TIMM21: variants seen among roughly 807,000 people sequenced by gnomAD.
The protein encoded by TIMM21 is translocase of inner mitochondrial membrane 21.
A neutral mutation model predicts 27.7 loss-of-function variants in TIMM21; 30 were observed. The observed-to-expected ratio is 1.08, with a 90% CI of 0.81 to 1.47. The LOEUF (loss-of-function observed/expected upper bound fraction) is 1.47, where lower values mean the gene tolerates loss of function less well. TIMM21 is among the 40% of genes most tolerant of loss of function. The pLI is 0.00. For synonymous variants in TIMM21, 121 were observed against 114.4 expected (o/e 1.06, Z -0.37); for missense variants, 292 against 302.9 (o/e 0.96, Z 0.27).
At chr18:74,154,411 G>A (rs980489551) in intron 1 of TIMM21, among the ~76,000 whole-genome samples, 22 of 152,250 alleles carry the variant, frequency 1.4e-4, no homozygotes, top group African/African-American at 4.8e-4. Flanking sequence ...ACAGGCGCCC[G>A]CCACTGCGCC....
In TIMM21 at chr18:74,148,703, G is replaced by C. The variant is rs981525401; in HGVS notation, c.-106G>C. 39 of 1,185,016 alleles carry C rather than the reference G, an allele frequency of 3.3e-5. No homozygotes were observed. The highest frequency in any genetic ancestry group is 4.6e-5 in the Non-Finnish European group (39 of 839,908). 73.4% of individuals were successfully genotyped at this position (1,185,016 alleles called of 1,614,324 possible). ...GTTTTTGCCTAACACCCCATGTAAT[G>C]TAAACGTATAGGCTTGAGTACGTGT... On this transcript the variant is annotated 5_prime_UTR_variant, in exon 1 of 6. It removes an upstream start codon present in the reference 5' UTR. Transcript: ENST00000169551.
Position 74,158,269 on chromosome 18 carries a change from T to A in TIMM21, c.635T>A (p.Val212Glu). ...PGKQGTVYAQ[V>E]KENPGSGEYD... Reference sequence around the variant, plus strand: ...AAGCAAGGAACGGTGTATGCGCAAGTGAAAGAGGTGTGGGAATCATGGGAT... The same window carrying A: ...AAGCAAGGAACGGTGTATGCGCAAGAGAAAGAGGTGTGGGAATCATGGGAT... The change falls in exon 5 of 6, where the codon GTG becomes GAG. Residue 212 changes from valine to glutamate, a missense_variant. Coordinates refer to ENST00000169551, the MANE Select transcript of TIMM21 (RefSeq NM_014177.3). The A allele has an allele frequency of 6.2e-7, 1 of 1,614,038 alleles. No individual in the cohort carries two copies. The highest frequency in any genetic ancestry group is 1.3e-5 in the African/African-American group (1 of 74,992).
chr18:74,159,882 C>T lies in TIMM21; in HGVS notation c.*1402C>T, dbSNP rs1227652032. 1.3e-5 allele frequency: 2 copies of T among 152,244 alleles called. No individual in the cohort carries two copies. The highest frequency in any genetic ancestry group is 2.9e-5 in the Non-Finnish European group (2 of 68,050). The allele number at this position is 152,244 out of a possible 1,614,324, so 9.4% of individuals were successfully genotyped here. A position where few individuals can be genotyped will look rare whatever the true frequency, so the allele number is the denominator to read the frequency against. On this transcript the variant is annotated 3_prime_UTR_variant, in exon 6 of 6. Transcript: ENST00000169551. ...TTCAAACAACCTGCTCAAACTGTAG[C>T]TTGCTGAAGAAGCCCGGCATCTGAG... is the stretch of plus-strand genomic sequence containing the variant.
chr18:74,148,692 C>T lies in TIMM21; in HGVS notation c.-117C>T, dbSNP rs1011842688. ...CGGAAACTGACGTTTTTGCCTAACACCCCATGTAATGTAAACGTATAGGCT... is the reference window on the plus strand; with the variant it reads ...CGGAAACTGACGTTTTTGCCTAACATCCCATGTAATGTAAACGTATAGGCT... On this transcript the variant is annotated 5_prime_UTR_variant, in exon 1 of 6. Transcript: ENST00000169551. 28 of 1,050,522 alleles carry T rather than the reference C, an allele frequency of 2.7e-5. No homozygotes were observed. The East Asian group carries it at 5.8e-4, about 22-fold the overall frequency. The allele number at this position is 1,050,522 out of a possible 1,614,324, so 65.1% of individuals were successfully genotyped here.
chr18:74,157,896 T>C, intron 3 of TIMM21, 118 bp from the exon 4 acceptor site: 1 of 1,139,810 alleles, frequency 8.8e-7, no homozygotes, highest in East Asian at 2.6e-5. Flanking sequence ...GTGGTCATTT[T>C]TGAAAAGGTC....
intron 3 of TIMM21, chr18:74,156,375 C>G (rs952697324): frequency 1.8e-5 from 7 of 381,770 alleles, no homozygotes; most frequent in Admixed American, 9.4e-5. Context: ...TCTGAATGTT[C>G]TACCAGTTTT....
rs146166846 is a variant in TIMM21, at chr18:74,152,240, C to T, written c.302-2905C>T. ...CCTACCCAGCTTTAGGTTGCCTTTC[C>T]TCCCAAATCAGGACCCTGACCTTGG... is the stretch of plus-strand genomic sequence containing the variant. On this transcript the variant is annotated intron_variant, in intron 1 of 5. Transcript: ENST00000169551. The surrounding 1 kb of genome is among the most constrained non-coding windows in gnomAD (Gnocchi z 4.1). 2.0e-3 allele frequency among the ~76,000 whole-genome samples: 303 copies of T among 152,248 alleles called. 1 individual carries two copies. The highest frequency in any genetic ancestry group is 7.0e-3 in the African/African-American group (291 of 41,538).
At position 74,148,673 on chromosome 18, in the gene TIMM21, C is replaced by T; in HGVS notation, c.-136C>T. The T allele has an allele frequency of 1.2e-6, 1 of 821,404 alleles. No individual in the cohort carries two copies. Among genetic ancestry groups the T allele is most frequent in the Non-Finnish European group, 1.9e-6 (1 of 522,612 alleles). The allele number at this position is 821,404 out of a possible 1,614,324, so 50.9% of individuals were successfully genotyped here. On this transcript the variant is annotated 5_prime_UTR_variant, in exon 1 of 6. Coordinates refer to ENST00000169551, the MANE Select transcript of TIMM21 (RefSeq NM_014177.3). ...TTCGTTTTCATTTACGCTGCGGAAA[C>T]TGACGTTTTTGCCTAACACCCCATG...
intron 3 of TIMM21, chr18:74,156,952 ATTTG>A (rs1230971357): frequency 2.0e-5 from 3 of 152,182 alleles, no homozygotes; most frequent in Admixed American, 1.3e-4. Flanking sequence ...AAATTGTTCT[ATTTG>A]TTTGTGCTAT....
At chr18:74,153,686 G>A (rs1979870804) in intron 1 of TIMM21, among the ~76,000 whole-genome samples, 1 of 152,108 alleles carries the variant, frequency 6.6e-6, no homozygotes, top group Non-Finnish European at 1.5e-5. Flanking sequence ...TTCTAAGTTG[G>A]GAACCTTGCT....
In TIMM21 at chr18:74,158,485, G is replaced by C. The variant is rs201898493; in HGVS notation, c.*5G>C. 1.3e-6 allele frequency: 2 copies of C among 1,554,424 alleles called. No individual in the cohort carries two copies. The highest frequency in any genetic ancestry group is 1.8e-6 in the Non-Finnish European group (2 of 1,130,244). ...AATCGATCCCAAGATGATTAAAATA[G>C]GGTTTCTGATGGATGTTGAATGGCG... On this transcript the variant is annotated 3_prime_UTR_variant, in exon 6 of 6. Coordinates refer to ENST00000169551, the MANE Select transcript of TIMM21 (RefSeq NM_014177.3).
rs373498280 is a variant in TIMM21, at chr18:74,152,833, C to T, written c.302-2312C>T. Among the ~76,000 whole-genome samples, 5 of 152,270 alleles carry T rather than the reference C, an allele frequency of 3.3e-5. No individual in the cohort carries two copies. Among genetic ancestry groups the T allele is most frequent in the South Asian group, 2.1e-4 (1 of 4,824 alleles). Reference sequence around the variant, plus strand: ...AGCAGGACTGGGCAGAGGGAGAGGCCGAAGTGCATTTGCAGTTGGGGCCTC... The same window carrying T: ...AGCAGGACTGGGCAGAGGGAGAGGCTGAAGTGCATTTGCAGTTGGGGCCTC... On this transcript the variant is annotated intron_variant, in intron 1 of 5. Coordinates refer to ENST00000169551, the MANE Select transcript of TIMM21 (RefSeq NM_014177.3). This position sits in a 1 kb window ranked among gnomAD's most constrained non-coding sequence, Gnocchi z 4.1.
chr18:74,158,575 A>T lies in TIMM21; in HGVS notation c.*95A>T. The T allele has an allele frequency of 1.3e-6, 1 of 761,332 alleles. No individual in the cohort carries two copies. The highest frequency in any genetic ancestry group is 2.7e-5 in the Admixed American group (1 of 36,786). The allele number at this position is 761,332 out of a possible 1,614,324, so 47.2% of individuals were successfully genotyped here. ...TGTGTTCAAAAGAAAGACAAGAAGGAGTGTATGGCTTATAAAGTGAATCTA... is the reference window on the plus strand; with the variant it reads ...TGTGTTCAAAAGAAAGACAAGAAGGTGTGTATGGCTTATAAAGTGAATCTA... On this transcript the variant is annotated 3_prime_UTR_variant, in exon 6 of 6. Coordinates refer to ENST00000169551, the MANE Select transcript of TIMM21 (RefSeq NM_014177.3).
chr18:74,151,193 G>C (rs1979791867), intron 1 of TIMM21, among the ~76,000 whole-genome samples: 2 of 152,164 alleles, frequency 1.3e-5, no homozygotes, highest in South Asian at 2.1e-4. Flanking sequence ...TGAAGGACGG[G>C]GGGAGTCAGT....
At chr18:74,154,239 A>G (rs1345293606) in intron 1 of TIMM21, among the ~76,000 whole-genome samples, 40 of 152,140 alleles carry the variant, frequency 2.6e-4, no homozygotes, top group Admixed American at 2.6e-3. Context: ...ATAGCTATAC[A>G]TATGTATATA....
intron 1 of TIMM21, among the ~76,000 whole-genome samples, 193 bp downstream of exon 1, chr18:74,149,302 GTTGATC>G (rs1979719510): frequency 6.6e-6 from 1 of 152,204 alleles, no homozygotes; most frequent in Non-Finnish European, 1.5e-5. Context: ...AGATGTGAAA[GTTGATC>G]TTGAATTTGA....
At chr18:74,154,708 C>T (rs1314370748) in intron 1 of TIMM21, among the ~76,000 whole-genome samples, 1 of 152,202 alleles carries the variant, frequency 6.6e-6, no homozygotes, top group African/African-American at 2.4e-5. Flanking sequence ...TTCTGGCCAA[C>T]CATATTCCTA....
intron 3 of TIMM21, chr18:74,156,212 C>G (rs574712302): frequency 2.5e-6 from 1 of 398,502 alleles, no homozygotes; most frequent in East Asian, 3.6e-5. Context: ...AGGTAATCGT[C>G]TGCCATTATC....
At position 74,153,535 on chromosome 18, in the gene TIMM21, G is replaced by C. The variant is rs929257646; in HGVS notation, c.302-1610G>C. On this transcript the variant is annotated intron_variant, in intron 1 of 5. Transcript: ENST00000169551. Reference sequence around the variant, plus strand: ...ATTGAAATGTATTTTGTGACACTGAGAGTGGAATGAGATGTCGTCATTGTA... The same window carrying C: ...ATTGAAATGTATTTTGTGACACTGACAGTGGAATGAGATGTCGTCATTGTA... Among the ~76,000 whole-genome samples, 19 of 152,238 alleles carry C rather than the reference G, an allele frequency of 1.2e-4. 1 individual carries two copies. Among genetic ancestry groups the C allele is most frequent in the Admixed American group, 1.3e-4 (2 of 15,290 alleles).
Sources: gnomAD v4.1 joint callset for allele counts (sites outside exome capture counted in the v4.1 genomes callset) on GRCh38, gnomAD v4.1.1 for gene constraint, Gnocchi (gnomAD v3.1) non-coding constraint, MANE v1.5 for transcripts, NCBI Gene and HGNC (gene_info 2026-07-23, HGNC 2026-07-21) for gene names.